Variants in APOB observed in about 807,000 individuals in gnomAD.
The protein encoded by APOB is apolipoprotein B.
APOB carries 153 observed loss-of-function variants against 314.1 expected under a neutral mutation model. The observed-to-expected ratio is 0.49, with a 90% CI of 0.43 to 0.56. APOB has a LOEUF of 0.56. Among genes scored for constraint, APOB ranks in the 20% least tolerant of loss-of-function variants. The probability of loss-of-function intolerance (pLI) is 0.00; values close to 1 mark genes in which losing one functional copy is unlikely to be tolerated. For synonymous variants in APOB, 2,087 were observed against 2,036.4 expected, an observed-to-expected ratio of 1.02 and a Z score of -0.67; for missense variants, 5,430 against 5,350.7, an observed-to-expected ratio of 1.01 and a Z score of -0.46.
At position 21,002,097 on chromosome 2, in the gene APOB, T is replaced by A; in HGVS notation, c.13325A>T (p.Gln4442Leu). The stretch of plus-strand genomic sequence containing the variant: ...TTCCTGAATATTTCTGTGCAGAAAT[T>A]GCTCAACTTGACTTGAGAGTTGGGA... ...FTSQLSSQVE[Q>L]FLHRNIQEYL... The change falls in exon 29 of 29, where the codon CAA (glutamine) becomes CTA (leucine). Residue 4442 changes from glutamine (Q) to leucine (L), a missense_variant. By Grantham distance (113) the Gln-to-Leu change is moderately radical. Around this residue, in one of 3 missense-constraint regions of APOB, gnomAD observed 3,281 missense variants for 3,171.0 expected, o/e 1.03. Coordinates refer to ENST00000233242, the MANE Select transcript of APOB (RefSeq NM_000384.3). 1.2e-6 allele frequency: 2 copies of A among 1,614,006 alleles called. No individual in the cohort carries two copies. The highest frequency in any genetic ancestry group is 1.7e-6 in the Non-Finnish European group (2 of 1,179,982).
rs894274586 is a variant in APOB, at chr2:21,011,552, G to A, written c.5316C>T (p.Asn1772=). 4 of 1,614,042 alleles carry A rather than the reference G, an allele frequency of 2.5e-6. No individual in the cohort carries two copies. The highest frequency in any genetic ancestry group is 3.4e-6 in the Non-Finnish European group (4 of 1,180,002). ...LSLDFSSKLD[N]IYSSDKFYKQ... is the part of the protein sequence containing the mutation. Reference sequence around the variant, plus strand: ...TATAAAACTTGTCAGAGCTGTAAATGTTGTCAAGTTTTGAAGAGAAGTCCA... The same window carrying A: ...TATAAAACTTGTCAGAGCTGTAAATATTGTCAAGTTTTGAAGAGAAGTCCA... The change falls in exon 26 of 29, where the codon AAC becomes AAT. Residue 1772 remains asparagine, a synonymous_variant. Transcript: ENST00000233242.
chr2:21,012,612 G>A lies in APOB; in HGVS notation c.4256C>T (p.Thr1419Ile), dbSNP rs199776241. 3.1e-6 allele frequency: 5 copies of A among 1,612,998 alleles called. No individual in the cohort carries two copies. Among genetic ancestry groups the A allele is most frequent in the Non-Finnish European group, 4.2e-6 (5 of 1,179,400 alleles). The change falls in exon 26 of 29, where the codon ACA becomes ATA. Residue 1419 changes from threonine to isoleucine, a missense_variant. This residue lies in a region of APOB where 2,085 missense variants were observed against 2,079.7 expected (regional missense o/e 1.00). Transcript: ENST00000233242. ...GCGTAGAGACCCATCACATGATAGTGTGAACGTATTCTTGTGGTCATATGT... is the reference window on the plus strand; with the variant it reads ...GCGTAGAGACCCATCACATGATAGTATGAACGTATTCTTGTGGTCATATGT... ...ETTYDHKNTFTLSCDGSLRHK... is the reference protein window; with the variant it reads ...ETTYDHKNTFILSCDGSLRHK...
Position 21,028,081 on chromosome 2 carries a change from T to C in APOB, c.1830-16A>G. On this transcript the variant is annotated splice_polypyrimidine_tract_variant and intron_variant, in intron 13 of 28. Coordinates refer to ENST00000233242, the MANE Select transcript of APOB (RefSeq NM_000384.3). Reference sequence around the variant, plus strand: ...CTTTTTCAGACTAGATAAGAAGAAGTATATTTTGAGCTGACACACCATGTT... The same window carrying C: ...CTTTTTCAGACTAGATAAGAAGAAGCATATTTTGAGCTGACACACCATGTT... The C allele has an allele frequency of 6.4e-7, 1 of 1,553,622 alleles. No individual in the cohort carries two copies. Among genetic ancestry groups the C allele is most frequent in the Non-Finnish European group, 8.9e-7 (1 of 1,124,858 alleles).
At position 21,005,227 on chromosome 2, in the gene APOB, G is replaced by C. The variant is rs368893377; in HGVS notation, c.11641C>G (p.Gln3881Glu). ...VPAGIVIPSF[Q>E]ALTARFEVDS... Reference sequence around the variant, plus strand: ...ACCTCAAAGCGTGCAGTCAGTGCTTGAAAGGAAGGAATGACAATTCCAGCA... The same window carrying C: ...ACCTCAAAGCGTGCAGTCAGTGCTTCAAAGGAAGGAATGACAATTCCAGCA... The change falls in exon 26 of 29, where the codon CAA becomes GAA. Residue 3881 changes from glutamine (Q) to glutamate (E), a missense_variant. Around this residue, in one of 3 missense-constraint regions of APOB, gnomAD observed 3,281 missense variants for 3,171.0 expected, o/e 1.03. Coordinates refer to ENST00000233242, the MANE Select transcript of APOB (RefSeq NM_000384.3). The C allele has an allele frequency of 6.2e-7, 1 of 1,614,084 alleles. No homozygotes were observed.
chr2:21,010,030 G>T lies in APOB; in HGVS notation c.6838C>A (p.His2280Asn). 3.1e-6 allele frequency: 5 copies of T among 1,613,644 alleles called. No individual in the cohort carries two copies. Among genetic ancestry groups the T allele is most frequent in the Non-Finnish European group, 2.5e-6 (3 of 1,179,934 alleles). Residue 2280 changes from histidine (H) to asparagine (N), a missense_variant, in exon 26 of 29, where the codon CAC becomes AAC. Around this residue, in one of 3 missense-constraint regions of APOB, gnomAD observed 3,281 missense variants for 3,171.0 expected, o/e 1.03. Coordinates refer to ENST00000233242, the MANE Select transcript of APOB (RefSeq NM_000384.3). The part of the protein sequence containing the change: ...KRHIQNIDIQ[H>N]LAGKLKQHIE... The stretch of plus-strand genomic sequence containing the variant: ...TGTTGTTTTAACTTTCCAGCTAGGT[G>T]CTGGATGTCTATATTCTGTATGTGT...
Position 21,037,963 on chromosome 2 carries a change from A to G in APOB, c.532T>C (p.Phe178Leu), listed in dbSNP as rs190134103. The G allele has an allele frequency of 9.3e-6, 15 of 1,614,192 alleles. No homozygotes were observed. The highest frequency in any genetic ancestry group is 1.2e-5 in the Non-Finnish European group (14 of 1,180,032). Residue 178 changes from phenylalanine to leucine, a missense_variant, in exon 5 of 29, where the codon TTT becomes CTT. Phe to Leu is a conservative substitution (Grantham distance 22, BLOSUM62 0). Transcript: ENST00000233242. ...TCAGCTTTCTAAATCCTCACCAGAA[A>G]CAACACTTGCTTGGCTTCTTCTGTC... is the stretch of plus-strand genomic sequence containing the variant. ...PETEEAKQVL[F>L]LDTVYGNCST...
rs369022661 is a variant in APOB at position 21,006,812 on chromosome 2, G to T, written c.10056C>A (p.Thr3352=). The T allele has an allele frequency of 1.4e-5, 22 of 1,613,892 alleles. No individual in the cohort carries two copies. The highest frequency in any genetic ancestry group is 3.3e-5 in the South Asian group (3 of 91,088). ...SFKSSVITLN[T]NAELFNQSDI... ...CTGACTGGTTAAAAAGTTCAGCATT[G>T]GTATTCAGTGTGATGACACTTGATT... The change falls in exon 26 of 29, where the codon ACC becomes ACA. Residue 3352 remains threonine, a synonymous_variant. Coordinates refer to ENST00000233242, the MANE Select transcript of APOB (RefSeq NM_000384.3).
chr2:21,020,985 C>G (rs941552765), intron 18 of APOB, among the ~76,000 whole-genome samples: 1 of 152,230 alleles, frequency 6.6e-6, no homozygotes, highest in African/African-American at 2.4e-5. Flanking sequence ...ATGTCTCACT[C>G]TATACCAGTT....
At chr2:21,029,290 A>G (rs1663818880) in intron 12 of APOB, among the ~76,000 whole-genome samples, 1 of 152,222 alleles carries the variant, frequency 6.6e-6, no homozygotes, top group African/African-American at 2.4e-5. Context: ...TCTCTACTAA[A>G]AAATACAAAA....
Position 21,043,928 on chromosome 2 carries a change from G to T in APOB, c.18C>A (p.Pro6=), listed in dbSNP as rs935727658. 2.3e-6 allele frequency: 3 copies of T among 1,285,312 alleles called. No homozygotes were observed. Among genetic ancestry groups the T allele is most frequent in the Non-Finnish European group, 3.0e-6 (3 of 993,014 alleles). The allele number at this position is 1,285,312 out of a possible 1,614,324, so 79.6% of individuals were successfully genotyped here. Residue 6 remains proline, a synonymous_variant, in exon 1 of 29, where the codon CCC becomes CCA. Coordinates refer to ENST00000233242, the MANE Select transcript of APOB (RefSeq NM_000384.3). MDPPR[P]ALLALLALPA... Reference sequence around the variant, plus strand: ...GCAGCGCCAGCAGCGCCAGCAGCGCGGGCCTCGGCGGGTCCATCGCCAGCT... The same window carrying T: ...GCAGCGCCAGCAGCGCCAGCAGCGCTGGCCTCGGCGGGTCCATCGCCAGCT...
rs72653097 is a variant in APOB at position 21,007,979 on chromosome 2, G to T, written c.8889C>A (p.Ile2963=). 6.2e-7 allele frequency: 1 copy of T among 1,614,050 alleles called. No homozygotes were observed. The highest frequency in any genetic ancestry group is 1.1e-5 in the South Asian group (1 of 91,088). The change falls in exon 26 of 29, where the codon ATC becomes ATA. Residue 2963 remains isoleucine (I), a synonymous_variant. Coordinates refer to ENST00000233242, the MANE Select transcript of APOB (RefSeq NM_000384.3). The part of the protein sequence containing the change: ...PLTSFGLSNK[I]NSKHLRVNQN... Reference sequence around the variant, plus strand: ...GGTTTACTCTTAGGTGTTTGCTATTGATCTTATTGGACAGTCCAAAGGAAG... The same window carrying T: ...GGTTTACTCTTAGGTGTTTGCTATTTATCTTATTGGACAGTCCAAAGGAAG...
At chr2:21,028,258 C>T (rs776888453) in intron 13 of APOB, 69 bp downstream of exon 13, 8 of 1,420,122 alleles carry the variant, frequency 5.6e-6, no homozygotes, top group Non-Finnish European at 8.0e-6. Flanking sequence ...AGTGGCTATG[C>T]CAAAACCTAG....
chr2:21,009,033 A>G lies in APOB; in HGVS notation c.7835T>C (p.Phe2612Ser). Residue 2612 changes from phenylalanine to serine, a missense_variant, in exon 26 of 29, where the codon TTC becomes TCC. This residue lies in a region of APOB where 3,281 missense variants were observed against 3,171.0 expected (regional missense o/e 1.03). Transcript: ENST00000233242. ...VSLQALQKATFQTPDFIVPLT... is the reference protein window; with the variant it reads ...VSLQALQKATSQTPDFIVPLT... ...GGGGACTATAAAATCAGGTGTCTGG[A>G]AGGTAGCTTTCTGAAGAGCCTGAAG... The G allele has an allele frequency of 6.2e-7, 1 of 1,614,078 alleles. No individual in the cohort carries two copies. Among genetic ancestry groups the G allele is most frequent in the African/African-American group, 1.3e-5 (1 of 75,040 alleles).
intron 28 of APOB, 78 bp from the exon 29 acceptor site, chr2:21,003,412 G>T (rs981653747): frequency 1.3e-5 from 17 of 1,262,838 alleles, no homozygotes; most frequent in South Asian, 6.3e-5. Flanking sequence ...AACTTCATTA[G>T]CAGTTAAAAA....
intron 13 of APOB, 103 bp from the exon 14 acceptor site, chr2:21,028,168 T>G (rs570877): frequency 0.9 from 1,038,402 of 1,160,012 alleles, 466,270 homozygotes; most frequent in East Asian, 0.96. Flanking sequence ...CAAAATGTCT[T>G]GATTTCATTG....
Position 21,033,306 on chromosome 2 carries a change from C to T in APOB, c.1117G>A (p.Val373Met), listed in dbSNP as rs1357590656. Reference protein sequence around the residue: ...VTSLLPQLIEVSSPITLQALV... With the variant: ...VTSLLPQLIEMSSPITLQALV... The stretch of plus-strand genomic sequence containing the variant: ...GCTGTAACCATTAGATACCTGGACA[C>T]CTCAATCAGCTGTGGCAAGAGAGAT... Residue 373 changes from valine (V) to methionine (M), a missense_variant, in exon 9 of 29, where the codon GTG becomes ATG. This residue lies in a region of APOB where 2,085 missense variants were observed against 2,079.7 expected (regional missense o/e 1.00). Coordinates refer to ENST00000233242, the MANE Select transcript of APOB (RefSeq NM_000384.3). 6.2e-7 allele frequency: 1 copy of T among 1,613,032 alleles called. No individual in the cohort carries two copies. Among genetic ancestry groups the T allele is most frequent in the Non-Finnish European group, 8.5e-7 (1 of 1,178,962 alleles).
intron 20 of APOB, among the ~76,000 whole-genome samples, chr2:21,018,749 G>T (rs1663532739): frequency 6.6e-6 from 1 of 152,080 alleles, no homozygotes; most frequent in South Asian, 2.1e-4. Flanking sequence ...TAACTTGTTT[G>T]GTTGTTCACT....
chr2:21,021,742 C>G (rs936623259), intron 18 of APOB, among the ~76,000 whole-genome samples: 5 of 152,202 alleles, frequency 3.3e-5, no homozygotes, highest in African/African-American at 1.2e-4. Flanking sequence ...GTTATCAGGT[C>G]AAGTACACTT....
In APOB at chr2:21,011,880, C is replaced by T. The variant is rs1212922642; in HGVS notation, c.4988G>A (p.Ser1663Asn). 1.2e-6 allele frequency: 2 copies of T among 1,613,972 alleles called. No homozygotes were observed. Among genetic ancestry groups the T allele is most frequent in the Non-Finnish European group, 1.7e-6 (2 of 1,180,002 alleles). The change falls in exon 26 of 29, where the codon AGT becomes AAT. Residue 1663 changes from serine to asparagine, a missense_variant. Transcript: ENST00000233242. ...STSATTNLKC[S>N]LLVLENELNA... ...CAGCTCATTCTCCAGCACCAGGAGA[C>T]TACACTTCAAGTTGGTCGTTGCACT...
Sources: gnomAD v4.1 joint callset for allele counts (sites outside exome capture counted in the v4.1 genomes callset) on GRCh38, gnomAD v4.1.1 for gene constraint, gnomAD v4.1.1 regional missense constraint, MANE v1.5 for transcripts, NCBI Gene and HGNC (gene_info 2026-07-23, HGNC 2026-07-21) for gene names.